The following ENOX2 variants were observed in gnomAD, a reference collection of about 807,000 sequenced individuals.
ENOX2 encodes the protein ecto-NOX disulfide-thiol exchanger 2.
Under a neutral mutation model 45.0 loss-of-function variants are expected in ENOX2, and 36 were observed. The observed-to-expected ratio is 0.80, with a 90% confidence interval of 0.61 to 1.06. ENOX2 has a LOEUF of 1.06. Ranked by LOEUF, ENOX2 falls within the 50% of genes least tolerant of loss-of-function variation. The pLI is 0.00. For synonymous variants in ENOX2, 174 were observed against 152.3 expected, an observed-to-expected ratio of 1.14 and a Z score of -1.05; for missense variants, 423 against 462.5, an observed-to-expected ratio of 0.91 and a Z score of 0.78.
intron 3 of ENOX2, among the ~76,000 whole-genome samples, chrX:130,717,712 C>T (rs1396766766): frequency 1.8e-5 from 2 of 111,652 alleles, no homozygotes; most frequent in African/African-American, 6.5e-5. Flanking sequence ...TGAGTAGGTA[C>T]ACAGGAAAAT....
At chrX:130,898,028 G>A (rs1160422359) in intron 2 of ENOX2, among the ~76,000 whole-genome samples, 1 of 108,395 alleles carries the variant, frequency 9.2e-6, no homozygotes, top group African/African-American at 3.4e-5. Context: ...TTTTTTTTGA[G>A]ACAGAGTCTC....
intron 2 of ENOX2, among the ~76,000 whole-genome samples, chrX:130,805,441 T>C (rs960440803): frequency 1.8e-5 from 2 of 111,971 alleles, no homozygotes; most frequent in Non-Finnish European, 1.9e-5. Context: ...AAAGTATTCC[T>C]TGTGACCATG....
intron 3 of ENOX2, among the ~76,000 whole-genome samples, chrX:130,746,418 C>T (rs73229069): frequency 2.4e-3 from 269 of 111,950 alleles, no homozygotes; most frequent in Non-Finnish European, 4.1e-3. Context: ...TGGGACCTTG[C>T]TTTTGGCCTT....
Position 130,836,748 on chromosome X carries a change from G to C in ENOX2, c.-182-53058C>G, listed in dbSNP as rs189793977. 1.9e-3 allele frequency among the ~76,000 whole-genome samples: 208 copies of C among 111,777 alleles called. 1 individual carries two copies. Among genetic ancestry groups the C allele is most frequent in the African/African-American group, 6.3e-3 (193 of 30,798 alleles). ...TGTCTTCTCACTTTTACTACTGACA[G>C]TGATGGAATTCCTAGAGAGCTAATT... On this transcript the variant is annotated intron_variant, in intron 2 of 14. Coordinates refer to ENST00000394363, the MANE Select transcript of ENOX2 (RefSeq NM_006375.4).
chrX:130,790,591 G>A (rs2077029062), intron 2 of ENOX2, among the ~76,000 whole-genome samples: 1 of 112,455 alleles, frequency 8.9e-6, no homozygotes, highest in Non-Finnish European at 1.9e-5. Context: ...CACATTTTGA[G>A]TCAAAAGGGC....
chrX:130,836,489 G>T (rs1172302326), intron 2 of ENOX2, among the ~76,000 whole-genome samples: 2 of 111,203 alleles, frequency 1.8e-5, no homozygotes, highest in Admixed American at 9.6e-5. Context: ...CACATTCAAA[G>T]ACTCGACTGG....
chrX:130,883,132 T>C (rs1242860348), intron 2 of ENOX2, among the ~76,000 whole-genome samples: 1 of 111,749 alleles, frequency 8.9e-6, no homozygotes, highest in Admixed American at 9.5e-5. Context: ...TTTTCTGAGA[T>C]AGAGTTTTGC....
intron 3 of ENOX2, among the ~76,000 whole-genome samples, chrX:130,740,961 A>G (rs1199068237): frequency 2.7e-5 from 3 of 111,571 alleles, no homozygotes; most frequent in Non-Finnish European, 5.6e-5. Flanking sequence ...CCTGCAATGA[A>G]GAGCCTATGA....
intron 9 of ENOX2, among the ~76,000 whole-genome samples, chrX:130,661,666 A>G (rs1184573739): frequency 8.9e-6 from 1 of 112,311 alleles, no homozygotes; most frequent in African/African-American, 3.2e-5. Flanking sequence ...TATATGATAC[A>G]TAGTGGAAAT....
intron 5 of ENOX2, among the ~76,000 whole-genome samples, chrX:130,688,568 G>A (rs1198617036): frequency 8.9e-6 from 1 of 112,409 alleles, no homozygotes; most frequent in Non-Finnish European, 1.9e-5. Flanking sequence ...AAAGACTGCA[G>A]ATGATGGTGT....
At position 130,666,182 on chromosome X, in the gene ENOX2, C is replaced by T. The variant is rs376150664; in HGVS notation, c.908-433G>A. On this transcript the variant is annotated intron_variant, in intron 8 of 14. Coordinates refer to ENST00000394363, the MANE Select transcript of ENOX2 (RefSeq NM_006375.4). ...TCTACCCCTGGCTCCTTTCATAGCC[C>T]TCTGACACACACTTGGATGCCTTGC... 5.4e-5 allele frequency among the ~76,000 whole-genome samples: 6 copies of T among 111,913 alleles called. No homozygotes were observed. In the South Asian group the frequency reaches 2.3e-3, roughly 42 times the overall value.
At chrX:130,663,975 G>T (rs938359685) in intron 9 of ENOX2, among the ~76,000 whole-genome samples, 8 of 111,776 alleles carry the variant, frequency 7.2e-5, no homozygotes, top group Non-Finnish European at 1.3e-4. Flanking sequence ...TTTGTTGAAG[G>T]TGAACAACAT....
At chrX:130,826,628 T>C (rs1011216056) in intron 2 of ENOX2, among the ~76,000 whole-genome samples, 5 of 111,897 alleles carry the variant, frequency 4.5e-5, no homozygotes, top group South Asian at 3.7e-4. Flanking sequence ...CAGTGGTTTG[T>C]TGCTTTGTAA....
chrX:130,832,440 TACACACACACAC>T (rs61623401), intron 2 of ENOX2, among the ~76,000 whole-genome samples: 1 of 91,065 alleles, frequency 1.1e-5, no homozygotes, highest in African/African-American at 3.9e-5. Flanking sequence ...CACACACACA[TACACACACACAC>T]ACACACACAC....
intron 4 of ENOX2, among the ~76,000 whole-genome samples, chrX:130,698,007 G>C (rs1270422717): frequency 9.0e-6 from 1 of 111,086 alleles, no homozygotes; most frequent in East Asian, 2.8e-4. Context: ...GTCTTCCTTG[G>C]GAGATAGGAC....
chrX:130,687,906 C>T (rs2037488499), intron 5 of ENOX2, among the ~76,000 whole-genome samples: 1 of 111,844 alleles, frequency 8.9e-6, no homozygotes, highest in Non-Finnish European at 1.9e-5. Flanking sequence ...TTAACTGATT[C>T]CTATTAAAGG....
intron 3 of ENOX2, among the ~76,000 whole-genome samples, chrX:130,708,372 T>C (rs2038095282): frequency 8.9e-6 from 1 of 111,848 alleles, no homozygotes; most frequent in Admixed American, 9.5e-5. Flanking sequence ...ACTGTATGAA[T>C]AATGAAACTG....
In ENOX2 at chrX:130,625,335, G is replaced by A. The variant is rs548319020; in HGVS notation, c.1725C>T (p.Phe575=). 370 of 1,209,615 alleles carry A rather than the reference G, an allele frequency of 3.1e-4. 2 individuals carry two copies. In the South Asian group the frequency reaches 4.8e-3, roughly 16 times the overall value. ...AGATTTAGGTCAGCTTCAAGCCCTC[G>A]AAGCCACAGAATTTCCATCTCTTTT... is the stretch of plus-strand genomic sequence containing the variant. The part of the protein sequence containing the change: ...SLEKRWKFCG[F]EGLKLT The change falls in exon 15 of 15, where the codon TTC becomes TTT. Residue 575 remains phenylalanine, a synonymous_variant. Transcript: ENST00000394363.
intron 4 of ENOX2, among the ~76,000 whole-genome samples, chrX:130,696,047 A>G (rs912043651): frequency 1.8e-5 from 2 of 111,680 alleles, no homozygotes; most frequent in African/African-American, 6.5e-5. Flanking sequence ...AAGATCATCT[A>G]AACACTTGTT....
Sources: allele counts gnomAD v4.1 joint callset (sites outside exome capture counted in the v4.1 genomes callset), GRCh38; gene constraint gnomAD v4.1.1; transcripts MANE v1.5; gene names NCBI Gene and HGNC (gene_info 2026-07-23, HGNC 2026-07-21).